NT5M: variants seen among roughly 807,000 people sequenced by gnomAD.
The protein encoded by NT5M is 5',3'-nucleotidase, mitochondrial, also known as 5'(3')-deoxyribonucleotidase, mitochondrial.
Under a neutral mutation model 22.2 loss-of-function variants are expected in NT5M, and 22 were observed. The ratio of observed to expected loss-of-function variants is 0.99; its 90% CI spans 0.71 to 1.41. The LOEUF is 1.41. Among genes scored for constraint, NT5M ranks in the 40% most tolerant of loss-of-function variants. NT5M has a pLI of 0.00. For synonymous variants in NT5M, 167 were observed against 133.0 expected (o/e 1.26, Z -1.76); for missense variants, 322 against 314.8 (o/e 1.02, Z -0.17).
At chr17:17,345,116 GCT>G in intron 4 of NT5M, 1 of 604,072 alleles carries the variant, frequency 1.7e-6, no homozygotes, top group Non-Finnish European at 2.1e-6. Context: ...GTGGGTGCCA[GCT>G]CTAGGGTTAG....
At position 17,346,900 on chromosome 17, in the gene NT5M, T is replaced by A. The variant is rs759112580; in HGVS notation, c.640T>A (p.Trp214Arg). Reference protein sequence around the residue: ...LQPPRRRLHSWADDWKAILDS... With the variant: ...LQPPRRRLHSRADDWKAILDS... ...GCCCCCCCGCCGCAGGCTGCACTCGTGGGCGGACGACTGGAAGGCCATTCT... is the reference window on the plus strand; with the variant it reads ...GCCCCCCCGCCGCAGGCTGCACTCGAGGGCGGACGACTGGAAGGCCATTCT... The change falls in exon 5 of 5, where the codon TGG (tryptophan) becomes AGG (arginine). Residue 214 changes from tryptophan (W) to arginine (R), a missense_variant. Trp to Arg is a moderately radical substitution (Grantham distance 101). Coordinates refer to ENST00000389022, the MANE Select transcript of NT5M (RefSeq NM_020201.4). 17 of 1,611,078 alleles carry A rather than the reference T, an allele frequency of 1.1e-5. No homozygotes were observed. Among genetic ancestry groups the A allele is most frequent in the Middle Eastern group, 1.6e-4 (1 of 6,062 alleles).
intron 3 of NT5M, among the ~76,000 whole-genome samples, chr17:17,331,225 AG>A (rs1399372725): frequency 6.6e-6 from 1 of 151,422 alleles, no homozygotes; most frequent in East Asian, 1.9e-4. Flanking sequence ...CCTGAACCCC[AG>A]TGTCACCCCT....
At chr17:17,311,746 C>T (rs985779647) in intron 2 of NT5M, among the ~76,000 whole-genome samples, 1 of 152,138 alleles carries the variant, frequency 6.6e-6, no homozygotes, top group African/African-American at 2.4e-5. Flanking sequence ...TGAGTTGAAT[C>T]GTAGACCTTA....
chr17:17,303,385 G>A lies in NT5M; in HGVS notation c.-166G>A. 1 of 829,168 alleles carries A rather than the reference G, an allele frequency of 1.2e-6. No homozygotes were observed. The highest frequency in any genetic ancestry group is 1.5e-6 in the Non-Finnish European group (1 of 685,116). 51.4% of individuals were successfully genotyped at this position (829,168 alleles called of 1,614,324 possible). ...GCGCCGCGGCCTCGCTCTGGGGCCG[G>A]TACTTGCGCGCCCGCACCCCGCGCT... On this transcript the variant is annotated 5_prime_UTR_variant, in exon 1 of 5. Transcript: ENST00000389022.
In NT5M at chr17:17,303,655, C is replaced by T. The variant is rs2145300364; in HGVS notation, c.105C>T (p.Ala35=). 4 of 1,530,384 alleles carry T rather than the reference C, an allele frequency of 2.6e-6. No homozygotes were observed. Among genetic ancestry groups the T allele is most frequent in the East Asian group, 5.3e-5 (2 of 37,838 alleles). The allele number at this position is 1,530,384 out of a possible 1,614,324, so 94.8% of individuals were successfully genotyped here. A position where few individuals can be genotyped will look rare whatever the true frequency, so the allele number is the denominator to read the frequency against. ...AGGLGLAGGR[A]LRVLVDMDGV... ...GGCTGGGCCTGGCGGGAGGCCGCGCCCTACGGGTGCTGGTGGACATGGACG... is the reference window on the plus strand; with the variant it reads ...GGCTGGGCCTGGCGGGAGGCCGCGCTCTACGGGTGCTGGTGGACATGGACG... Residue 35 remains alanine (A), a synonymous_variant, in exon 1 of 5, where the codon GCC becomes GCT. Coordinates refer to ENST00000389022, the MANE Select transcript of NT5M (RefSeq NM_020201.4).
chr17:17,317,196 C>A (rs996831855), intron 2 of NT5M, among the ~76,000 whole-genome samples: 1 of 151,696 alleles, frequency 6.6e-6, no homozygotes, highest in Non-Finnish European at 1.5e-5. Context: ...ACTACAGGTG[C>A]CTGCCACCAT....
Position 17,327,368 on chromosome 17 carries a change from G to A in NT5M, c.429+4123G>A, listed in dbSNP as rs1464846233. Among the ~76,000 whole-genome samples the A allele has an allele frequency of 4.1e-4, 39 of 94,364 alleles. 11 individuals carry two copies. Among genetic ancestry groups the A allele is most frequent in the African/African-American group, 1.3e-3 (36 of 26,834 alleles). 61.9% of individuals were successfully genotyped at this position (94,364 alleles called of 152,430 possible). ...GATTTTTTTTTTTTTTTGTGAGACA[G>A]GGTCCAGCTCTGTGGCCCAGACTGA... is the stretch of plus-strand genomic sequence containing the variant. On this transcript the variant is annotated intron_variant, in intron 3 of 4. Coordinates refer to ENST00000389022, the MANE Select transcript of NT5M (RefSeq NM_020201.4).
Position 17,303,791 on chromosome 17 carries a change from T to G in NT5M, c.241T>G (p.Tyr81Asp), listed in dbSNP as rs750790724. The change falls in exon 1 of 5, where the codon TAC becomes GAC. Residue 81 changes from tyrosine (Y) to aspartate (D), a missense_variant. Tyr to Asp is a radical substitution (Grantham distance 160). Transcript: ENST00000389022. ...GCGCGGCTTCTGGGTGTCGGAGCAG[T>G]ACGGCCGCCTGCGGCCAGGGCTGAG... ...DRRGFWVSEQ[Y>D]GRLRPGLSEK... 2 of 1,558,394 alleles carry G rather than the reference T, an allele frequency of 1.3e-6. No individual in the cohort carries two copies. Among genetic ancestry groups the G allele is most frequent in the Non-Finnish European group, 1.7e-6 (2 of 1,152,112 alleles).
chr17:17,337,922 T>A (rs902997724), intron 3 of NT5M, among the ~76,000 whole-genome samples: 2 of 152,232 alleles, frequency 1.3e-5, no homozygotes, highest in Non-Finnish European at 1.5e-5. Context: ...ATCCCATTTG[T>A]CCGTGTTTGC....
intron 2 of NT5M, among the ~76,000 whole-genome samples, chr17:17,315,889 C>G (rs1171489179): frequency 6.6e-6 from 1 of 151,124 alleles, no homozygotes; most frequent in Non-Finnish European, 1.5e-5. Context: ...GTAGCTGGGA[C>G]TACAGGCATC....
chr17:17,319,690 T>C (rs1295246154), intron 2 of NT5M, among the ~76,000 whole-genome samples: 5 of 152,128 alleles, frequency 3.3e-5, no homozygotes, highest in African/African-American at 7.2e-5. Flanking sequence ...GGAAAGTAGA[T>C]GGGTGGTTGC....
intron 3 of NT5M, among the ~76,000 whole-genome samples, chr17:17,334,621 A>G (rs1205945389): frequency 1.3e-5 from 2 of 151,450 alleles, no homozygotes; most frequent in African/African-American, 4.8e-5. Context: ...GATTACAGGC[A>G]CGCGCCACCA....
At chr17:17,334,282 A>G (rs1386826131) in intron 3 of NT5M, among the ~76,000 whole-genome samples, 1 of 149,870 alleles carries the variant, frequency 6.7e-6, no homozygotes, top group Non-Finnish European at 1.5e-5. Context: ...TGAGTTAATT[A>G]TCATATATTG....
intron 2 of NT5M, among the ~76,000 whole-genome samples, chr17:17,312,768 G>T (rs2048947303): frequency 6.6e-6 from 1 of 151,792 alleles, no homozygotes; most frequent in African/African-American, 2.4e-5. Context: ...AGACCAGCCT[G>T]GGCAACACAG....
At chr17:17,346,173 C>T (rs1597808238) in intron 4 of NT5M, among the ~76,000 whole-genome samples, 2 of 152,228 alleles carry the variant, frequency 1.3e-5, no homozygotes, top group Middle Eastern at 6.8e-3. Flanking sequence ...GGGTTCCCGC[C>T]AGAGTCAGGG....
At chr17:17,346,358 A>G (rs567336250) in intron 4 of NT5M, among the ~76,000 whole-genome samples, 1 of 152,358 alleles carries the variant, frequency 6.6e-6, no homozygotes, top group South Asian at 2.1e-4. Context: ...GCCTGTGATC[A>G]GCGGCTGGTG....
At chr17:17,322,880 C>G (rs544805959) in intron 2 of NT5M, among the ~76,000 whole-genome samples, 5 of 152,216 alleles carry the variant, frequency 3.3e-5, no homozygotes, top group Non-Finnish European at 7.3e-5. Context: ...AGGGGACTTG[C>G]ATGCCAGAAT....
intron 2 of NT5M, among the ~76,000 whole-genome samples, chr17:17,313,505 CTG>C: frequency 6.6e-6 from 1 of 152,282 alleles, no homozygotes; most frequent in Non-Finnish European, 1.5e-5. Flanking sequence ...GAGTGGATAA[CTG>C]TGTATCTGGT....
chr17:17,341,407 T>C (rs2142378082), intron 3 of NT5M, among the ~76,000 whole-genome samples: 1 of 152,326 alleles, frequency 6.6e-6, no homozygotes, highest in Admixed American at 6.5e-5. Flanking sequence ...CCCCAGCTCG[T>C]ATGTATCAGA....
Sources: allele counts gnomAD v4.1 joint callset (sites outside exome capture counted in the v4.1 genomes callset), GRCh38; gene constraint gnomAD v4.1.1; transcripts MANE v1.5; gene names NCBI Gene and HGNC (gene_info 2026-07-23, HGNC 2026-07-21).